Variants in PUM2 observed in about 807,000 individuals in gnomAD.
The protein encoded by PUM2 is pumilio RNA binding family member 2, also known as pumilio homolog 2.
A neutral mutation model predicts 124.5 loss-of-function variants in PUM2; 57 were observed. The observed-to-expected ratio is 0.46, with a 90% CI of 0.37 to 0.57. The LOEUF is 0.57. Ranked by LOEUF, PUM2 falls within the 20% of genes least tolerant of loss-of-function variation. The probability of loss-of-function intolerance (pLI) is 0.00; values close to 1 mark genes in which losing one functional copy is unlikely to be tolerated. For synonymous variants in PUM2, 460 were observed against 446.1 expected, an observed-to-expected ratio of 1.03 and a Z score of -0.39; for missense variants, 1,065 against 1,290.6, an observed-to-expected ratio of 0.83 and a Z score of 2.68.
chr2:20,284,738 G>A (rs1216487162), intron 10 of PUM2, among the ~76,000 whole-genome samples: 1 of 152,204 alleles, frequency 6.6e-6, no homozygotes, highest in Non-Finnish European at 1.5e-5. Context: ...AGTAAAATTA[G>A]TGATAATGCA....
rs1418472328 is a variant in PUM2 at position 20,251,215 on chromosome 2, T to C, written c.*370A>G. ...GTAGACCTACCAGACTGTGAGCCAG[T>C]TTATTAAAAGAATACTGTACTTTTT... On this transcript the variant is annotated 3_prime_UTR_variant, in exon 21 of 21. Transcript: ENST00000361078. 1 of 174,768 alleles carries C rather than the reference T, an allele frequency of 5.7e-6. No individual in the cohort carries two copies. The highest frequency in any genetic ancestry group is 1.2e-5 in the Non-Finnish European group (1 of 81,490). 10.8% of individuals were successfully genotyped at this position (174,768 alleles called of 1,614,324 possible).
At chr2:20,256,815 G>A (rs1664884597) in intron 16 of PUM2, among the ~76,000 whole-genome samples, 1 of 151,996 alleles carries the variant, frequency 6.6e-6, no homozygotes, top group Admixed American at 6.6e-5. Flanking sequence ...GGAGCCTGAG[G>A]CTGGTGGATC....
chr2:20,316,019 C>A (rs183144607), intron 3 of PUM2, among the ~76,000 whole-genome samples: 11 of 152,118 alleles, frequency 7.2e-5, no homozygotes, highest in East Asian at 3.9e-4. Context: ...GTATCCCAGT[C>A]CAAATTACTA....
intron 9 of PUM2, among the ~76,000 whole-genome samples, chr2:20,294,011 G>GA (rs1674882717): frequency 6.6e-6 from 1 of 151,924 alleles, no homozygotes; most frequent in South Asian, 2.1e-4. Flanking sequence ...TTACTGGTCA[G>GA]AAACACATTA....
At chr2:20,277,830 A>G (rs569821321) in intron 13 of PUM2, among the ~76,000 whole-genome samples, 1 of 152,284 alleles carries the variant, frequency 6.6e-6, no homozygotes, top group East Asian at 1.9e-4. Flanking sequence ...AAAGTTTTAA[A>G]AAAATAATTT....
chr2:20,290,351 C>A (rs1379544969), intron 10 of PUM2, among the ~76,000 whole-genome samples: 2 of 152,114 alleles, frequency 1.3e-5, no homozygotes, highest in Non-Finnish European at 2.9e-5. Flanking sequence ...AACTGTTTTA[C>A]TTCTTGAAGC....
At chr2:20,301,728 C>T (rs1282281881) in intron 7 of PUM2, among the ~76,000 whole-genome samples, 1 of 152,126 alleles carries the variant, frequency 6.6e-6, no homozygotes, top group African/African-American at 2.4e-5. Context: ...GCTAGGACTA[C>T]AGGTACGCAC....
At chr2:20,262,312 T>A (rs1399117669) in intron 14 of PUM2, among the ~76,000 whole-genome samples, 1 of 152,244 alleles carries the variant, frequency 6.6e-6, no homozygotes, top group Non-Finnish European at 1.5e-5. Flanking sequence ...ACGCATATGA[T>A]TTTTTAATCT....
Position 20,331,166 on chromosome 2 carries a change from G to C in PUM2, c.-18-3788C>G, listed in dbSNP as rs539358202. Among the ~76,000 whole-genome samples the C allele has an allele frequency of 2.6e-5, 4 of 151,608 alleles. No individual in the cohort carries two copies. The South Asian group carries it at 8.3e-4, about 32-fold the overall frequency. ...AAACCACACGCGTTGTTTGGGAATA[G>C]AAAGAATGAAAGGGTAGGGGATGAG... On this transcript the variant is annotated intron_variant, in intron 1 of 20. Coordinates refer to ENST00000361078, the MANE Select transcript of PUM2 (RefSeq NM_015317.5).
chr2:20,274,782 A>G (rs1312329208), intron 13 of PUM2, among the ~76,000 whole-genome samples: 3 of 151,702 alleles, frequency 2.0e-5, no homozygotes, highest in Non-Finnish European at 4.4e-5. Flanking sequence ...TAAGTTCCAC[A>G]TCAATCAAAT....
chr2:20,313,722 C>G (rs1233523187), intron 3 of PUM2, among the ~76,000 whole-genome samples: 2 of 149,082 alleles, frequency 1.3e-5, no homozygotes, highest in Non-Finnish European at 3.0e-5. Flanking sequence ...CCCAGCTACT[C>G]AGGAGGTGAG....
At chr2:20,319,632 ATGTGTGTGTT>A (rs1681827281) in intron 2 of PUM2, among the ~76,000 whole-genome samples, 1 of 152,180 alleles carries the variant, frequency 6.6e-6, no homozygotes, top group Admixed American at 6.5e-5. Flanking sequence ...CTGAGATAAG[ATGTGTGTGTT>A]TGTGTGTGTG....
chr2:20,254,230 C>T (rs964515293), intron 19 of PUM2, among the ~76,000 whole-genome samples: 5 of 151,832 alleles, frequency 3.3e-5, no homozygotes, highest in Non-Finnish European at 5.9e-5. Context: ...ATGCTATCAC[C>T]GCTCACTGCA....
At chr2:20,324,881 A>G (rs1683298367) in intron 2 of PUM2, among the ~76,000 whole-genome samples, 1 of 152,142 alleles carries the variant, frequency 6.6e-6, no homozygotes, top group Non-Finnish European at 1.5e-5. Flanking sequence ...AGTAAGCAAA[A>G]ACTATTTTTA....
At chr2:20,319,060 T>G (rs1679930631) in intron 2 of PUM2, among the ~76,000 whole-genome samples, 1 of 152,232 alleles carries the variant, frequency 6.6e-6, no homozygotes, top group African/African-American at 2.4e-5. Flanking sequence ...AAATACTTTT[T>G]CATTTTTAAC....
At chr2:20,256,608 C>A (rs1199243501) in intron 16 of PUM2, among the ~76,000 whole-genome samples, 2 of 152,090 alleles carry the variant, frequency 1.3e-5, no homozygotes, top group Admixed American at 6.6e-5. Flanking sequence ...TTTTTAATGG[C>A]TGAGTGAGTT....
chr2:20,316,240 T>G (rs906186475), intron 3 of PUM2, among the ~76,000 whole-genome samples: 2 of 152,210 alleles, frequency 1.3e-5, no homozygotes, highest in Non-Finnish European at 2.9e-5. Context: ...GCAACCTACT[T>G]TGTTGAAATC....
intron 3 of PUM2, among the ~76,000 whole-genome samples, chr2:20,314,591 T>C (rs751209128): frequency 6.6e-6 from 1 of 152,232 alleles, no homozygotes; most frequent in Non-Finnish European, 1.5e-5. Context: ...ATTTAAACTA[T>C]TGAGGCTGAA....
chr2:20,255,990 A>C, intron 17 of PUM2, 43 bp downstream of exon 17: 1 of 1,488,748 alleles, frequency 6.7e-7, no homozygotes, highest in Non-Finnish European at 8.9e-7. Flanking sequence ...AAATTCTAAA[A>C]TAATGCCCTG....
Sources: allele counts gnomAD v4.1 joint callset (sites outside exome capture counted in the v4.1 genomes callset), GRCh38; gene constraint gnomAD v4.1.1; transcripts MANE v1.5; gene names NCBI Gene and HGNC (gene_info 2026-07-23, HGNC 2026-07-21).